DACH1: variants seen among roughly 807,000 people sequenced by gnomAD.
The protein encoded by DACH1 is dachshund homolog 1.
DACH1 carries 12 observed loss-of-function variants against 54.2 expected under a neutral mutation model. The ratio of observed to expected loss-of-function variants is 0.22; its 90% CI spans 0.14 to 0.36. The LOEUF (loss-of-function observed/expected upper bound fraction) is 0.36, where lower values mean the gene tolerates loss of function less well. Among genes scored for constraint, DACH1 ranks in the 10% least tolerant of loss-of-function variants. The pLI, the probability that DACH1 is intolerant of heterozygous loss-of-function variation, is 1.00. For missense variants in DACH1, 805 were observed against 929.8 expected (o/e 0.87, Z 1.75); for synonymous variants, 386 against 366.2 (o/e 1.05, Z -0.62).
At chr13:71,863,809 C>T (rs1874510753) in intron 1 of DACH1, among the ~76,000 whole-genome samples, 1 of 147,608 alleles carries the variant, frequency 6.8e-6, no homozygotes, top group South Asian at 2.2e-4. Flanking sequence ...TGTGAAATGG[C>T]CTTTAATTAT....
intron 1 of DACH1, among the ~76,000 whole-genome samples, chr13:71,791,273 A>C (rs1055804262): frequency 6.6e-6 from 1 of 152,174 alleles, no homozygotes; most frequent in Non-Finnish European, 1.5e-5. Flanking sequence ...AATGATTTAC[A>C]CTAAATGAAG....
At chr13:71,774,704 A>T (rs906414374) in intron 1 of DACH1, among the ~76,000 whole-genome samples, 2 of 152,140 alleles carry the variant, frequency 1.3e-5, no homozygotes, top group African/African-American at 4.8e-5. Context: ...GTATTAGATC[A>T]GAATGCTGTC....
intron 3 of DACH1, among the ~76,000 whole-genome samples, chr13:71,601,877 T>G (rs561209308): frequency 6.6e-6 from 1 of 152,160 alleles, no homozygotes; most frequent in Non-Finnish European, 1.5e-5. Context: ...CTCTTGTACA[T>G]ATTTTATATA....
chr13:71,468,468 C>A lies in DACH1; in HGVS notation c.2083+6673G>T, dbSNP rs141641449. On this transcript the variant is annotated intron_variant, in intron 10 of 10. Transcript: ENST00000613252. ...GCTTCCATAGAAGTGCCTAAGGAAC[C>A]CCCATTCCCACACCGATCTTAAAAG... Among the ~76,000 whole-genome samples the A allele has an allele frequency of 1.3e-3, 201 of 152,184 alleles. 2 individuals carry two copies. In the East Asian group the frequency reaches 0.031, roughly 24 times the overall value.
intron 1 of DACH1, among the ~76,000 whole-genome samples, chr13:71,759,104 C>CT (rs964323024): frequency 1.3e-5 from 2 of 151,876 alleles, no homozygotes; most frequent in Non-Finnish European, 2.9e-5. Flanking sequence ...AATCTGTTAC[C>CT]TTTTTTTCCC....
At chr13:71,444,864 A>G (rs1874309498) in intron 10 of DACH1, among the ~76,000 whole-genome samples, 1 of 152,028 alleles carries the variant, frequency 6.6e-6, no homozygotes, top group Non-Finnish European at 1.5e-5. Context: ...ACAGCACGCC[A>G]AACTCTATAT....
chr13:71,598,002 C>T (rs1487355042), intron 3 of DACH1, among the ~76,000 whole-genome samples: 2 of 151,076 alleles, frequency 1.3e-5, no homozygotes, highest in South Asian at 2.1e-4. Context: ...ATTGCTTGAG[C>T]CTGGGAGGCA....
chr13:71,720,528 A>G (rs1276724556), intron 1 of DACH1, among the ~76,000 whole-genome samples: 5 of 152,214 alleles, frequency 3.3e-5, no homozygotes, highest in Non-Finnish European at 7.3e-5. Context: ...AAAATGTAAT[A>G]TAAATGAAAA....
intron 3 of DACH1, among the ~76,000 whole-genome samples, chr13:71,615,408 A>G (rs1334691735): frequency 1.3e-5 from 2 of 152,224 alleles, no homozygotes; most frequent in East Asian, 3.8e-4. Context: ...ATGTGCACTG[A>G]ATAAAGTAAT....
chr13:71,677,586 T>TA (rs1238793301), intron 2 of DACH1, among the ~76,000 whole-genome samples: 5 of 152,074 alleles, frequency 3.3e-5, no homozygotes, highest in Admixed American at 6.6e-5. Context: ...ACATTTTTTT[T>TA]AAAAAAAGTC....
chr13:71,696,672 C>T (rs1190300669), intron 1 of DACH1, among the ~76,000 whole-genome samples: 2 of 151,918 alleles, frequency 1.3e-5, no homozygotes, highest in African/African-American at 4.8e-5. Context: ...CTCAGCCTCC[C>T]GAATAGCAGG....
intron 3 of DACH1, among the ~76,000 whole-genome samples, chr13:71,626,468 T>A (rs1876653069): frequency 1.3e-5 from 2 of 151,958 alleles, no homozygotes; most frequent in Non-Finnish European, 2.9e-5. Context: ...CCAGTCCCAA[T>A]TTCCAAGCAG....
Position 71,779,301 on chromosome 13 carries a change from A to ACG in DACH1, c.848+86620_848+86621insCG, listed in dbSNP as rs1566495334. ...TATATACGTATATATACACATATAT[A>ACG]TATTTATATACATATATATATAACA... On this transcript the variant is annotated intron_variant, in intron 1 of 10. Transcript: ENST00000613252. Among the ~76,000 whole-genome samples, 74 of 74,092 alleles carry ACG rather than the reference A, an allele frequency of 1.0e-3. 4 individuals carry two copies. The highest frequency in any genetic ancestry group is 5.6e-3 in the African/African-American group (73 of 13,022). 48.6% of individuals were successfully genotyped at this position (74,092 alleles called of 152,430 possible). A position where few individuals can be genotyped will look rare whatever the true frequency, so the allele number is the denominator to read the frequency against.
intron 6 of DACH1, among the ~76,000 whole-genome samples, chr13:71,553,444 C>A (rs74219627): frequency 0.95 from 57,368 of 60,550 alleles, 27,224 homozygotes; most frequent in East Asian, 0.98. Context: ...AGACATATAT[C>A]CATATATATA....
chr13:71,848,039 T>G (rs1179903213), intron 1 of DACH1, among the ~76,000 whole-genome samples: 1 of 152,156 alleles, frequency 6.6e-6, no homozygotes, highest in Non-Finnish European at 1.5e-5. Flanking sequence ...AGAATAATTA[T>G]AAATTTTGTA....
intron 1 of DACH1, among the ~76,000 whole-genome samples, chr13:71,789,797 T>C (rs980960869): frequency 1.3e-5 from 2 of 152,104 alleles, no homozygotes; most frequent in African/African-American, 4.8e-5. Context: ...ACATAAACAA[T>C]GCAATCAAAC....
At chr13:71,517,845 T>A (rs1881277246) in intron 6 of DACH1, among the ~76,000 whole-genome samples, 1 of 151,918 alleles carries the variant, frequency 6.6e-6, no homozygotes, top group Admixed American at 6.6e-5. Flanking sequence ...TGGCACTTTA[T>A]TTTCCTATAC....
At chr13:71,558,192 T>G (rs1650861832) in intron 5 of DACH1, among the ~76,000 whole-genome samples, 1 of 152,066 alleles carries the variant, frequency 6.6e-6, no homozygotes, top group African/African-American at 2.4e-5. Context: ...ACATTATGCC[T>G]ATATTGAGAT....
intron 1 of DACH1, among the ~76,000 whole-genome samples, chr13:71,832,745 A>G (rs1241150247): frequency 6.6e-6 from 1 of 151,968 alleles, no homozygotes; most frequent in Non-Finnish European, 1.5e-5. Flanking sequence ...ATGTAAGAGA[A>G]GGCATGATAT....
Sources: gnomAD v4.1 joint callset for allele counts (sites outside exome capture counted in the v4.1 genomes callset) on GRCh38, gnomAD v4.1.1 for gene constraint, MANE v1.5 for transcripts, NCBI Gene and HGNC (gene_info 2026-07-23, HGNC 2026-07-21) for gene names.